The following KCNH8 variants were observed in gnomAD, a reference collection of about 807,000 sequenced individuals.
KCNH8 encodes voltage-gated delayed rectifier potassium channel KCNH8.
KCNH8 carries 70 observed loss-of-function variants against 103.6 expected under a neutral mutation model. The observed-to-expected ratio is 0.68, with a 90% CI of 0.56 to 0.82. The LOEUF is 0.82. Among genes scored for constraint, KCNH8 ranks in the 40% least tolerant of loss-of-function variants. The probability of loss-of-function intolerance (pLI) is 0.00; values close to 1 mark genes in which losing one functional copy is unlikely to be tolerated. For missense variants in KCNH8, 1,217 were observed against 1,329.9 expected, an observed-to-expected ratio of 0.92 and a Z score of 1.32; for synonymous variants, 498 against 489.4, an observed-to-expected ratio of 1.02 and a Z score of -0.23.
At chr3:19,369,267 A>T (rs2066054602) in intron 5 of KCNH8, among the ~76,000 whole-genome samples, 1 of 151,926 alleles carries the variant, frequency 6.6e-6, no homozygotes, top group South Asian at 2.1e-4. Context: ...GTTAGTCTTT[A>T]TCTGACTAGA....
intron 1 of KCNH8, among the ~76,000 whole-genome samples, chr3:19,188,399 T>C (rs1370026871): frequency 2.6e-5 from 4 of 152,018 alleles, no homozygotes; most frequent in Non-Finnish European, 4.4e-5. Flanking sequence ...TCGGCAGTTG[T>C]AGCGTGAAAG....
At chr3:19,471,341 C>A (rs907610844) in intron 11 of KCNH8, among the ~76,000 whole-genome samples, 9 of 152,144 alleles carry the variant, frequency 5.9e-5, no homozygotes, top group Non-Finnish European at 1.3e-4. Context: ...AATCCGCATA[C>A]CTGCTCTACG....
intron 15 of KCNH8, among the ~76,000 whole-genome samples, chr3:19,532,409 T>C (rs554150041): frequency 1.9e-4 from 29 of 152,302 alleles, no homozygotes; most frequent in African/African-American, 6.5e-4. Context: ...TCTCATTCCA[T>C]AGCTTTCCCT....
chr3:19,399,741 A>C (rs2125137682), intron 7 of KCNH8, among the ~76,000 whole-genome samples: 1 of 152,054 alleles, frequency 6.6e-6, no homozygotes, highest in African/African-American at 2.4e-5. Flanking sequence ...CCACCTGTTC[A>C]AACTTATATC....
intron 1 of KCNH8, among the ~76,000 whole-genome samples, chr3:19,174,245 G>A (rs144871122): frequency 6.6e-6 from 1 of 151,986 alleles, no homozygotes; most frequent in Admixed American, 6.5e-5. Context: ...TCTACTTCTT[G>A]CATTAGCTCC....
intron 5 of KCNH8, among the ~76,000 whole-genome samples, chr3:19,351,448 TTGAAA>T: frequency 7.1e-6 from 1 of 141,302 alleles, no homozygotes; most frequent in African/African-American, 2.7e-5. Context: ...TTCACCAAAG[TTGAAA>T]TGAAGGAAAA....
Position 19,342,631 on chromosome 3 carries a change from G to A in KCNH8, c.487G>A (p.Ala163Thr). The A allele has an allele frequency of 6.2e-7, 1 of 1,611,048 alleles. No homozygotes were observed. The highest frequency in any genetic ancestry group is 8.5e-7 in the Non-Finnish European group (1 of 1,177,924). The stretch of plus-strand genomic sequence containing the variant: ...AAGAGCAGGGACCCACTTTGACTCA[G>A]CCCGGAGACGGAGTCGAGCAGTCCT... ...RSRAGTHFDS[A>T]RRRSRAVLYH... The change falls in exon 4 of 16, where the codon GCC becomes ACC. Residue 163 changes from alanine to threonine, a missense_variant. Physicochemically the swap from Ala to Thr is moderately conservative, Grantham distance 58. This residue lies in a region of KCNH8 where 244 missense variants were observed against 256.8 expected (regional missense o/e 0.95). Coordinates refer to ENST00000328405, the MANE Select transcript of KCNH8 (RefSeq NM_144633.3).
intron 7 of KCNH8, among the ~76,000 whole-genome samples, chr3:19,411,758 C>T (rs1221829803): frequency 8.0e-5 from 12 of 150,838 alleles, no homozygotes; most frequent in South Asian, 4.2e-4. Context: ...TCCCATTAAC[C>T]GTAGCCACAC....
intron 5 of KCNH8, among the ~76,000 whole-genome samples, chr3:19,354,856 G>A (rs2065857125): frequency 6.6e-6 from 1 of 152,136 alleles, no homozygotes; most frequent in Admixed American, 6.6e-5. Flanking sequence ...AAAAGCAATG[G>A]CAACAAAAGC....
intron 1 of KCNH8, among the ~76,000 whole-genome samples, chr3:19,191,153 C>T (rs188764234): frequency 2.6e-5 from 4 of 151,794 alleles, no homozygotes; most frequent in African/African-American, 7.2e-5. Context: ...TAAGTTTATA[C>T]GTTCTAGTAT....
intron 2 of KCNH8, among the ~76,000 whole-genome samples, chr3:19,279,195 C>T (rs1192273339): frequency 6.6e-6 from 1 of 152,040 alleles, no homozygotes; most frequent in East Asian, 1.9e-4. Context: ...AAAAAGGCTC[C>T]CAGTCTGAAA....
intron 11 of KCNH8, among the ~76,000 whole-genome samples, chr3:19,493,896 C>T (rs1225546047): frequency 6.6e-6 from 1 of 152,070 alleles, no homozygotes; most frequent in Non-Finnish European, 1.5e-5. Flanking sequence ...TGCAGGTTTG[C>T]TATATGCATA....
At chr3:19,477,102 A>C (rs1355492208) in intron 11 of KCNH8, among the ~76,000 whole-genome samples, 1 of 152,160 alleles carries the variant, frequency 6.6e-6, no homozygotes, top group African/African-American at 2.4e-5. Flanking sequence ...GTGGCATGGC[A>C]TGATAGCCCT....
chr3:19,201,311 CACA>C (rs2063660579), intron 1 of KCNH8, among the ~76,000 whole-genome samples: 1 of 115,768 alleles, frequency 8.6e-6, no homozygotes. Flanking sequence ...ACATTTTTAA[CACA>C]ACATGTTTAT....
chr3:19,187,661 G>A (rs186348959), intron 1 of KCNH8, among the ~76,000 whole-genome samples: 12 of 152,200 alleles, frequency 7.9e-5, no homozygotes, highest in African/African-American at 2.6e-4. Context: ...AGTGCACGGG[G>A]AACATAACAA....
At chr3:19,319,001 A>G (rs1018659784) in intron 3 of KCNH8, among the ~76,000 whole-genome samples, 2 of 150,766 alleles carry the variant, frequency 1.3e-5, no homozygotes, top group Non-Finnish European at 3.0e-5. Context: ...TGATGGGATT[A>G]TTTGTTTATT....
Position 19,515,337 on chromosome 3 carries a change from T to C in KCNH8, c.2451T>C (p.Ile817=), listed in dbSNP as rs367876893. The change falls in exon 14 of 16, where the codon ATT becomes ATC. Residue 817 remains isoleucine, a synonymous_variant. Coordinates refer to ENST00000328405, the MANE Select transcript of KCNH8 (RefSeq NM_144633.3). ...TTTTAAGTAGGATTGTTGATGGAAT[T>C]GAAGATGGAAACAGCAGTGAAGAAA... ...PDLSPRIVDG[I]EDGNSSEESQ... is the part of the protein sequence containing the mutation. 5.3e-5 allele frequency: 84 copies of C among 1,592,572 alleles called. No individual in the cohort carries two copies. Among genetic ancestry groups the C allele is most frequent in the Non-Finnish European group, 6.9e-5 (81 of 1,168,042 alleles).
chr3:19,267,363 G>A (rs1275020516), intron 2 of KCNH8, among the ~76,000 whole-genome samples: 6 of 152,056 alleles, frequency 3.9e-5, no homozygotes, highest in Non-Finnish European at 7.4e-5. Flanking sequence ...TAGAAACTCC[G>A]GCATGTAAAT....
chr3:19,200,510 C>T (rs1189844213), intron 1 of KCNH8, among the ~76,000 whole-genome samples: 2 of 151,338 alleles, frequency 1.3e-5, no homozygotes, highest in Non-Finnish European at 2.9e-5. Flanking sequence ...GTGATTTCCA[C>T]CTTTTTTTTT....
Sources: gnomAD v4.1 joint callset for allele counts (sites outside exome capture counted in the v4.1 genomes callset) on GRCh38, gnomAD v4.1.1 for gene constraint, gnomAD v4.1.1 regional missense constraint, MANE v1.5 for transcripts, NCBI Gene and HGNC (gene_info 2026-07-23, HGNC 2026-07-21) for gene names.